THSD7A: variants seen among roughly 807,000 people sequenced by gnomAD.
The protein encoded by THSD7A is thrombospondin type 1 domain containing 7A, also known as thrombospondin type-1 domain-containing protein 7A.
THSD7A carries 96 observed loss-of-function variants against 231.3 expected under a neutral mutation model. The ratio of observed to expected loss-of-function variants is 0.41; its 90% CI spans 0.35 to 0.49. The LOEUF is 0.49. THSD7A is among the 20% of genes least tolerant of loss of function. The pLI is 0.05. For synonymous variants in THSD7A, 940 were observed against 743.3 expected (o/e 1.26, Z -4.30); for missense variants, 2,290 against 2,070.2 (o/e 1.11, Z -2.06).
At chr7:11,408,369 A>G (rs1783659301) in intron 19 of THSD7A, among the ~76,000 whole-genome samples, 1 of 151,998 alleles carries the variant, frequency 6.6e-6, no homozygotes, top group Non-Finnish European at 1.5e-5. Context: ...TTGGTGGTGC[A>G]TGACTGTAGT....
At position 11,652,453 on chromosome 7, in the gene THSD7A, C is replaced by T. The variant is rs533622223; in HGVS notation, c.191-15492G>A. On this transcript the variant is annotated intron_variant, in intron 1 of 27. Transcript: ENST00000423059. The stretch of plus-strand genomic sequence containing the variant: ...ATGCAATGGCATTAATTATGCATTG[C>T]CATGTATATTGTAATTTCCATAATA... Among the ~76,000 whole-genome samples the T allele has an allele frequency of 4.6e-5, 7 of 152,044 alleles. No homozygotes were observed. The South Asian group carries it at 1.5e-3, about 32-fold the overall frequency.
At chr7:11,671,110 A>C (rs1025301099) in intron 1 of THSD7A, among the ~76,000 whole-genome samples, 21 of 152,324 alleles carry the variant, frequency 1.4e-4, no homozygotes, top group Non-Finnish European at 2.4e-4. Flanking sequence ...TGAAGGCTAC[A>C]AGAGAACATT....
chr7:11,676,465 C>G (rs2128137361), intron 1 of THSD7A, among the ~76,000 whole-genome samples: 1 of 152,098 alleles, frequency 6.6e-6, no homozygotes, highest in East Asian at 1.9e-4. Context: ...ATAACAAACT[C>G]CTCTGAACTA....
chr7:11,700,069 ATTGT>A (rs1562486249), intron 1 of THSD7A, among the ~76,000 whole-genome samples: 1 of 151,332 alleles, frequency 6.6e-6, no homozygotes, highest in African/African-American at 2.4e-5. Context: ...ATTTATTTTC[ATTGT>A]TTGTAATTAT....
At chr7:11,582,368 AG>A (rs1304133311) in intron 4 of THSD7A, among the ~76,000 whole-genome samples, 1 of 152,062 alleles carries the variant, frequency 6.6e-6, no homozygotes, top group Non-Finnish European at 1.5e-5. Flanking sequence ...GTAAAATAGA[AG>A]GGTGTTCAAT....
At chr7:11,499,114 C>G (rs1005453219) in intron 6 of THSD7A, among the ~76,000 whole-genome samples, 1 of 152,188 alleles carries the variant, frequency 6.6e-6, no homozygotes, top group African/African-American at 2.4e-5. Flanking sequence ...AGCAAAGACC[C>G]TAAGGGCCTT....
intron 2 of THSD7A, among the ~76,000 whole-genome samples, chr7:11,603,493 G>A (rs886758889): frequency 3.3e-5 from 5 of 151,640 alleles, no homozygotes; most frequent in South Asian, 2.1e-4. Context: ...ATCTAGAACT[G>A]GAAATACCAT....
intron 23 of THSD7A, among the ~76,000 whole-genome samples, chr7:11,386,346 G>T (rs769915075): frequency 6.6e-6 from 1 of 152,134 alleles, no homozygotes; most frequent in African/African-American, 2.4e-5. Flanking sequence ...GTGTAAAAGC[G>T]TTCCTGTTTC....
rs1784999691 is a variant in THSD7A, at chr7:11,447,238, G to C, written c.2792C>G (p.Thr931Ser). ...DCGAVRTRKRTLVGKSKKKEK... is the reference protein window; with the variant it reads ...DCGAVRTRKRSLVGKSKKKEK... ...ATCCCAATTATTCTTACCAACAAGA[G>C]TGCGCTTTCTGGTCCTAACTGCACC... The change falls in exon 12 of 28, where the codon ACT (threonine) becomes AGT (serine). Residue 931 changes from threonine to serine, a missense_variant. Physicochemically the swap from Thr to Ser is moderately conservative, Grantham distance 58. Coordinates refer to ENST00000423059, the MANE Select transcript of THSD7A (RefSeq NM_015204.3). 6.2e-7 allele frequency: 1 copy of C among 1,612,968 alleles called. No individual in the cohort carries two copies. The highest frequency in any genetic ancestry group is 8.5e-7 in the Non-Finnish European group (1 of 1,179,356).
In THSD7A at chr7:11,417,439, A is replaced by G; in HGVS notation, c.3537+11T>C. On this transcript the variant is annotated intron_variant, in intron 17 of 27. Transcript: ENST00000423059. ...TAAACTCTACATTAATAAAAAGGTTAATCATCTCACCAAAACACATTGGGT... is the reference window on the plus strand; with the variant it reads ...TAAACTCTACATTAATAAAAAGGTTGATCATCTCACCAAAACACATTGGGT... 6.4e-7 allele frequency: 1 copy of G among 1,569,650 alleles called. No individual in the cohort carries two copies. The highest frequency in any genetic ancestry group is 8.6e-7 in the Non-Finnish European group (1 of 1,165,162).
At chr7:11,761,589 C>G (rs1278379979) in intron 1 of THSD7A, among the ~76,000 whole-genome samples, 1 of 152,014 alleles carries the variant, frequency 6.6e-6, no homozygotes, top group Non-Finnish European at 1.5e-5. Flanking sequence ...GCTGTGTTAA[C>G]ATGTGAATGA....
At chr7:11,398,498 C>A (rs1253800126) in intron 23 of THSD7A, among the ~76,000 whole-genome samples, 1 of 151,882 alleles carries the variant, frequency 6.6e-6, no homozygotes, top group Non-Finnish European at 1.5e-5. Flanking sequence ...ACCTGTGTAA[C>A]AAACCTGCAC....
At chr7:11,727,022 C>T (rs1277755820) in intron 1 of THSD7A, among the ~76,000 whole-genome samples, 1 of 151,950 alleles carries the variant, frequency 6.6e-6, no homozygotes, top group African/African-American at 2.4e-5. Flanking sequence ...AGCAAGAGTT[C>T]CCAGGCTCAC....
At chr7:11,608,048 T>C (rs569963580) in intron 2 of THSD7A, among the ~76,000 whole-genome samples, 2 of 152,252 alleles carry the variant, frequency 1.3e-5, no homozygotes, top group South Asian at 2.1e-4. Context: ...AATGCTTGCA[T>C]GCAGCTGCTT....
At chr7:11,578,131 A>G (rs932783957) in intron 4 of THSD7A, among the ~76,000 whole-genome samples, 1 of 152,232 alleles carries the variant, frequency 6.6e-6, no homozygotes, top group African/African-American at 2.4e-5. Context: ...CTAGTATACA[A>G]TTAGCCTTTA....
chr7:11,497,514 C>A (rs1274226496), intron 6 of THSD7A, among the ~76,000 whole-genome samples: 1 of 152,088 alleles, frequency 6.6e-6, no homozygotes, highest in African/African-American at 2.4e-5. Flanking sequence ...AATTACCAAT[C>A]CAATGTTGTT....
chr7:11,516,020 G>A (rs928977586), intron 6 of THSD7A, among the ~76,000 whole-genome samples: 1 of 152,110 alleles, frequency 6.6e-6, no homozygotes, highest in Non-Finnish European at 1.5e-5. Flanking sequence ...ATATAAATAT[G>A]AGAACTTTTG....
At chr7:11,746,665 T>G (rs546497643) in intron 1 of THSD7A, among the ~76,000 whole-genome samples, 2 of 151,950 alleles carry the variant, frequency 1.3e-5, no homozygotes, top group African/African-American at 4.8e-5. Context: ...CAGAGTATAT[T>G]AGATTAACAT....
At chr7:11,697,884 A>G (rs1780450532) in intron 1 of THSD7A, among the ~76,000 whole-genome samples, 1 of 151,430 alleles carries the variant, frequency 6.6e-6, no homozygotes. Context: ...TACCAATTAA[A>G]TACAAATTAA....
Sources: allele counts gnomAD v4.1 joint callset (sites outside exome capture counted in the v4.1 genomes callset), GRCh38; gene constraint gnomAD v4.1.1; transcripts MANE v1.5; gene names NCBI Gene and HGNC (gene_info 2026-07-23, HGNC 2026-07-21).